CDC23: variants seen among roughly 807,000 people sequenced by gnomAD.
The protein encoded by CDC23 is cell division cycle 23, also known as cell division cycle protein 23 homolog.
CDC23 carries 26 observed loss-of-function variants against 81.7 expected under a neutral mutation model. The ratio of observed to expected loss-of-function variants is 0.32; its 90% CI spans 0.23 to 0.44. The LOEUF (loss-of-function observed/expected upper bound fraction) is 0.44, where lower values mean the gene tolerates loss of function less well. CDC23 is among the 20% of genes least tolerant of loss of function. The pLI is 1.00. For synonymous variants in CDC23, 267 were observed against 270.8 expected, an observed-to-expected ratio of 0.99 and a Z score of 0.14; for missense variants, 519 against 728.0, an observed-to-expected ratio of 0.71 and a Z score of 3.30.
Position 138,204,091 on chromosome 5 carries a change from C to G in CDC23, c.373-1936G>C, listed in dbSNP as rs187741972. On this transcript the variant is annotated intron_variant, in intron 3 of 15. Transcript: ENST00000394886. ...GGGTAAAGAATGATGATATCTGCAA[C>G]TTATTCTCAAATGGTTCAGAGTAAA... 1.8e-4 allele frequency among the ~76,000 whole-genome samples: 28 copies of G among 152,304 alleles called. No individual in the cohort carries two copies. In the East Asian group the frequency reaches 5.4e-3, roughly 29 times the overall value.
At chr5:138,206,160 C>T (rs1179537286) in intron 3 of CDC23, 1 of 281,420 alleles carries the variant, frequency 3.6e-6, no homozygotes, top group East Asian at 6.5e-5. Context: ...TTGTCCTTTA[C>T]AGTCATACTT....
chr5:138,204,707 C>T (rs1233231179), intron 3 of CDC23, among the ~76,000 whole-genome samples: 1 of 150,764 alleles, frequency 6.6e-6, no homozygotes, highest in Non-Finnish European at 1.5e-5. Flanking sequence ...GCAAGCTCCA[C>T]CTTCCGGGTT....
rs576208163 is a variant in CDC23, at chr5:138,189,513, C to T, written c.1623+120G>A. 6.8e-5 allele frequency: 62 copies of T among 917,094 alleles called. No individual in the cohort carries two copies. The Middle Eastern group carries it at 1.1e-3, about 16-fold the overall frequency. The allele number at this position is 917,094 out of a possible 1,614,324, so 56.8% of individuals were successfully genotyped here. ...GACACAAGCGATCCTCCTGCCTCAGCCTCCCAAAGTGTTGGGATTATAGGT... is the reference window on the plus strand; with the variant it reads ...GACACAAGCGATCCTCCTGCCTCAGTCTCCCAAAGTGTTGGGATTATAGGT... On this transcript the variant is annotated intron_variant, in intron 15 of 15. Coordinates refer to ENST00000394886, the MANE Select transcript of CDC23 (RefSeq NM_004661.4).
At chr5:138,196,186 T>G (rs1350950592) in intron 9 of CDC23, among the ~76,000 whole-genome samples, 1 of 151,906 alleles carries the variant, frequency 6.6e-6, no homozygotes, top group South Asian at 2.1e-4. Flanking sequence ...CTGGGCATTA[T>G]GGATATATTA....
chr5:138,198,078 G>T, intron 9 of CDC23, 121 bp downstream of exon 9: 1 of 713,760 alleles, frequency 1.4e-6, no homozygotes, highest in Non-Finnish European at 2.3e-6. Context: ...TCCCGCCTCA[G>T]TCTCCTGAGT....
Position 138,201,453 on chromosome 5 carries a change from G to A in CDC23, c.416-5C>T. ...CTTGTCCTTTTTCCAGGGGGCCTAG[G>A]AAAGAAACAGAGTCTCTGTTCTAAG... is the stretch of plus-strand genomic sequence containing the variant. On this transcript the variant is annotated splice_region_variant and splice_polypyrimidine_tract_variant and intron_variant, in intron 4 of 15. Coordinates refer to ENST00000394886, the MANE Select transcript of CDC23 (RefSeq NM_004661.4). The A allele has an allele frequency of 6.3e-7, 1 of 1,589,956 alleles. No individual in the cohort carries two copies. The highest frequency in any genetic ancestry group is 1.7e-5 in the Admixed American group (1 of 59,714).
intron 4 of CDC23, 96 bp from the exon 5 acceptor site, chr5:138,201,544 G>C (rs1351724792): frequency 1.2e-6 from 1 of 868,458 alleles, no homozygotes. Flanking sequence ...ACAGGGTCTC[G>C]CTATGTTCCC....
At chr5:138,197,750 A>G (rs1340430099) in intron 9 of CDC23, among the ~76,000 whole-genome samples, 1 of 147,414 alleles carries the variant, frequency 6.8e-6, no homozygotes, top group Non-Finnish European at 1.5e-5. Flanking sequence ...CTGCCCTGGC[A>G]TCCCAAAGTG....
At chr5:138,212,189 G>A (rs1246773357) in intron 2 of CDC23, among the ~76,000 whole-genome samples, 3 of 152,150 alleles carry the variant, frequency 2.0e-5, no homozygotes, top group Non-Finnish European at 4.4e-5. Context: ...CTGCACAGAT[G>A]AGGAAACTGG....
chr5:138,213,112 A>C (rs765545629), intron 1 of CDC23, 40 bp downstream of exon 1: 14 of 1,614,022 alleles, frequency 8.7e-6, no homozygotes, highest in Non-Finnish European at 1.2e-5. Flanking sequence ...CCCCAAGGCC[A>C]AGGATCCAAG....
rs17228332 is a variant in CDC23, at chr5:138,210,714, G to C, written c.234+2277C>G. Among the ~76,000 whole-genome samples the C allele has an allele frequency of 8.7e-3, 1,322 of 152,252 alleles. 19 individuals carry two copies. Among genetic ancestry groups the C allele is most frequent in the African/African-American group, 0.03 (1,236 of 41,552 alleles). ...CAATCATTCTCACAGCAAACTGAAAGCTATTCAACAAACCAATAGCTAATA... is the reference window on the plus strand; with the variant it reads ...CAATCATTCTCACAGCAAACTGAAACCTATTCAACAAACCAATAGCTAATA... On this transcript the variant is annotated intron_variant, in intron 2 of 15. Transcript: ENST00000394886.
intron 9 of CDC23, among the ~76,000 whole-genome samples, chr5:138,196,734 C>G (rs1217613509): frequency 6.6e-6 from 1 of 151,384 alleles, no homozygotes; most frequent in Non-Finnish European, 1.5e-5. Flanking sequence ...GCGCCCGCCA[C>G]CACGCCCAGC....
At chr5:138,202,276 ATTAT>A (rs17228408) in intron 3 of CDC23, 121 bp from the exon 4 acceptor site, 422 of 653,512 alleles carry the variant, frequency 6.5e-4, no homozygotes, top group Middle Eastern at 1.7e-3. Flanking sequence ...ACTTTTGGTC[ATTAT>A]TTATTTATTT....
At chr5:138,199,676 C>T (rs1754963712) in intron 6 of CDC23, among the ~76,000 whole-genome samples, 1 of 152,306 alleles carries the variant, frequency 6.6e-6, no homozygotes, top group South Asian at 2.1e-4. Context: ...AAGTATGACT[C>T]TAATGTGTCA....
intron 15 of CDC23, among the ~76,000 whole-genome samples, 198 bp downstream of exon 15, chr5:138,189,435 T>G (rs1581481973): frequency 1.3e-5 from 2 of 152,008 alleles, no homozygotes; most frequent in Admixed American, 1.3e-4. Flanking sequence ...CAAAATTTAA[T>G]TTTTGTAGAG....
Position 138,192,786 on chromosome 5 carries a change from C to A in CDC23, c.1013-129G>T, listed in dbSNP as rs1581483230. The A allele has an allele frequency of 2.3e-5, 16 of 688,882 alleles. No homozygotes were observed. The East Asian group carries it at 3.8e-4, about 16-fold the overall frequency. The allele number at this position is 688,882 out of a possible 1,614,324, so 42.7% of individuals were successfully genotyped here. ...TCCCTCTAAAGTCCTGGCAAAACACCCAAATTGTACAAAAGGGAAATATTC... is the reference window on the plus strand; with the variant it reads ...TCCCTCTAAAGTCCTGGCAAAACACACAAATTGTACAAAAGGGAAATATTC... On this transcript the variant is annotated intron_variant, in intron 9 of 15. Coordinates refer to ENST00000394886, the MANE Select transcript of CDC23 (RefSeq NM_004661.4).
intron 6 of CDC23, 33 bp from the exon 7 acceptor site, chr5:138,198,815 A>G (rs1184327622): frequency 2.5e-6 from 4 of 1,596,566 alleles, no homozygotes; most frequent in Non-Finnish European, 3.4e-6. Flanking sequence ...CACACTTAAT[A>G]TAACTTGACC....
rs767328928 is a variant in CDC23, at chr5:138,192,223, A to G, written c.1286+46T>C. ...GCTATCAAAAGAGGAAAAAAAAGTT[A>G]TTAGCCCTTCCCATATCAGACGCAT... On this transcript the variant is annotated intron_variant, in intron 11 of 15. Transcript: ENST00000394886. 2.5e-6 allele frequency: 4 copies of G among 1,608,592 alleles called. No homozygotes were observed. In the Middle Eastern group the frequency reaches 5.0e-4, roughly 200 times the overall value.
chr5:138,198,677 G>A lies in CDC23; in HGVS notation c.760C>T (p.Leu254Phe). 1 of 1,614,120 alleles carries A rather than the reference G, an allele frequency of 6.2e-7. No homozygotes were observed. The highest frequency in any genetic ancestry group is 8.5e-7 in the Non-Finnish European group (1 of 1,180,014). ...IEEALQKYQN[L>F]IDVGFSKSSY... ...CTCTTAGAGAAGCCCACATCAATGA[G>A]ATTCTGATACTTTTGCAGGGCCTCC... The change falls in exon 7 of 16, where the codon CTC becomes TTC. Residue 254 changes from leucine (L) to phenylalanine (F), a missense_variant. Physicochemically the swap from Leu to Phe is conservative, Grantham distance 22. This residue lies in a region of CDC23 where 180 missense variants were observed against 239.3 expected (regional missense o/e 0.75). Transcript: ENST00000394886.
Sources: allele counts gnomAD v4.1 joint callset (sites outside exome capture counted in the v4.1 genomes callset), GRCh38; gene constraint gnomAD v4.1.1; regional missense constraint gnomAD v4.1.1; transcripts MANE v1.5; gene names NCBI Gene and HGNC (gene_info 2026-07-23, HGNC 2026-07-21).